Variants in ARHGAP39 observed in about 807,000 individuals in gnomAD.
The protein encoded by ARHGAP39 is Rho GTPase activating protein 39.
In ARHGAP39, 44 loss-of-function variants were observed where a neutral mutation model predicts 106.9. The ratio of observed to expected loss-of-function variants is 0.41; its 90% CI spans 0.32 to 0.53. The LOEUF is 0.53. ARHGAP39 is among the 20% of genes least tolerant of loss of function. The pLI is 0.21. For synonymous variants in ARHGAP39, 768 were observed against 693.2 expected (o/e 1.11, Z -1.69); for missense variants, 1,496 against 1,577.3 (o/e 0.95, Z 0.87).
At chr8:144,681,993 G>A (rs973629136) in intron 1 of ARHGAP39, among the ~76,000 whole-genome samples, 1 of 152,208 alleles carries the variant, frequency 6.6e-6, no homozygotes, top group African/African-American at 2.4e-5. Context: ...TCTCGGCCGG[G>A]TGCGGTGGCA....
At chr8:144,538,654 C>T (rs1364492178) in intron 6 of ARHGAP39, among the ~76,000 whole-genome samples, 1 of 152,130 alleles carries the variant, frequency 6.6e-6, no homozygotes, top group Non-Finnish European at 1.5e-5. Context: ...CCCACCGCAG[C>T]CTCCACCTCC....
intron 2 of ARHGAP39, among the ~76,000 whole-genome samples, chr8:144,594,472 A>T (rs1819521989): frequency 6.6e-6 from 1 of 152,144 alleles, no homozygotes; most frequent in Non-Finnish European, 1.5e-5. Flanking sequence ...AGGTGGGCAG[A>T]TCACCTGAGG....
rs1281681624 is a variant in ARHGAP39, at chr8:144,644,688, C to G, written c.-81-38993G>C. Among the ~76,000 whole-genome samples, 2 of 152,246 alleles carry G rather than the reference C, an allele frequency of 1.3e-5. No individual in the cohort carries two copies. Among genetic ancestry groups the G allele is most frequent in the African/African-American group, 2.4e-5 (1 of 41,458 alleles). ...TACAGGCCCTTGGGAGCAGTGCAGT[C>G]TGCAGGACTTCATCATCAACCCAGG... On this transcript the variant is annotated intron_variant, in intron 1 of 11. Transcript: ENST00000377307. The surrounding 1 kb of genome is among the most constrained non-coding windows in gnomAD (Gnocchi z 4.8).
At chr8:144,580,650 C>T (rs1317832942) in intron 3 of ARHGAP39, among the ~76,000 whole-genome samples, 196 bp downstream of exon 3, 1 of 151,168 alleles carries the variant, frequency 6.6e-6, no homozygotes, top group African/African-American at 2.4e-5. Context: ...TCACCAGTCC[C>T]GCTCTCACGT....
At chr8:144,574,471 C>G (rs548667262) in intron 3 of ARHGAP39, among the ~76,000 whole-genome samples, 1 of 152,216 alleles carries the variant, frequency 6.6e-6, no homozygotes, top group South Asian at 2.1e-4. Flanking sequence ...CAGATCGAGA[C>G]CATCCTGGCT....
chr8:144,531,008 T>A (rs1393418418), intron 10 of ARHGAP39, 137 bp from the exon 11 acceptor site: 2 of 1,193,354 alleles, frequency 1.7e-6, no homozygotes, highest in Non-Finnish European at 2.3e-6. Context: ...ACAGGGCCCA[T>A]CTGGCCAGGC....
intron 3 of ARHGAP39, among the ~76,000 whole-genome samples, chr8:144,574,526 T>C (rs1331534671): frequency 2.0e-5 from 3 of 151,746 alleles, no homozygotes; most frequent in East Asian, 3.9e-4. Flanking sequence ...AAAACAAAAT[T>C]AGCTGGGTGT....
At chr8:144,561,200 T>G (rs1213530380) in intron 3 of ARHGAP39, among the ~76,000 whole-genome samples, 1 of 149,602 alleles carries the variant, frequency 6.7e-6, no homozygotes, top group Non-Finnish European at 1.5e-5. Flanking sequence ...TCCATCGGAC[T>G]CACCCCAGTG....
intron 1 of ARHGAP39, among the ~76,000 whole-genome samples, chr8:144,648,771 T>A (rs1821505146): frequency 6.6e-6 from 1 of 152,078 alleles, no homozygotes; most frequent in South Asian, 2.1e-4. Context: ...AATAATGAAA[T>A]TACGGCAGAA....
rs1817508169 is a variant in ARHGAP39 at position 144,547,732 on chromosome 8, C to T, written c.1354G>A (p.Glu452Lys). The change falls in exon 5 of 12, where the codon GAG becomes AAG. Residue 452 changes from glutamate (E) to lysine (K), a missense_variant. Transcript: ENST00000377307. This position sits in a 1 kb window ranked among gnomAD's most constrained non-coding sequence, Gnocchi z 5.2. ...GVKSGDYSTMEGPELRHSQPP... is the reference protein window; with the variant it reads ...GVKSGDYSTMKGPELRHSQPP... ...TGGCTGTGCCGCAGCTCAGGTCCCT[C>T]CATGGTGCTGTAGTCTCCGGACTTG... 4 of 1,596,810 alleles carry T rather than the reference C, an allele frequency of 2.5e-6. No individual in the cohort carries two copies. Among genetic ancestry groups the T allele is most frequent in the Non-Finnish European group, 3.4e-6 (4 of 1,177,102 alleles).
In ARHGAP39 at chr8:144,682,718, C is replaced by T. The variant is rs538931614; in HGVS notation, c.-82+2968G>A. 5.9e-5 allele frequency among the ~76,000 whole-genome samples: 9 copies of T among 152,176 alleles called. No individual in the cohort carries two copies. The South Asian group carries it at 1.9e-3, about 32-fold the overall frequency. On this transcript the variant is annotated intron_variant, in intron 1 of 11. Coordinates refer to ENST00000377307, the MANE Select transcript of ARHGAP39 (RefSeq NM_025251.3). ...GCAAGGATAATACTGAGAAGTATAA[C>T]AACAATGGCAGGCTGGGCACAGTGA... is the stretch of plus-strand genomic sequence containing the variant.
In ARHGAP39 at chr8:144,547,103, C is replaced by G; in HGVS notation, c.1959+24G>C. Reference sequence around the variant, plus strand: ...TGGGCTGGCCCCAGGCTCTCAAGCTCAGCCGCGCCCATTGGGCCCTCACCT... The same window carrying G: ...TGGGCTGGCCCCAGGCTCTCAAGCTGAGCCGCGCCCATTGGGCCCTCACCT... On this transcript the variant is annotated intron_variant, in intron 5 of 11. Coordinates refer to ENST00000377307, the MANE Select transcript of ARHGAP39 (RefSeq NM_025251.3). The surrounding 1 kb of genome is among the most constrained non-coding windows in gnomAD (Gnocchi z 5.2). The G allele has an allele frequency of 6.5e-7, 1 of 1,546,148 alleles. No homozygotes were observed. Among genetic ancestry groups the G allele is most frequent in the Non-Finnish European group, 8.7e-7 (1 of 1,146,918 alleles).
At chr8:144,603,687 C>CTCAAAAAAAAAAAAAAA (rs1820169248) in intron 2 of ARHGAP39, among the ~76,000 whole-genome samples, 6 of 77,720 alleles carry the variant, frequency 7.7e-5, no homozygotes, top group Non-Finnish European at 1.4e-4. Flanking sequence ...GAGACTCCAT[C>CTCAAAAAAAAAAAAAAA]AAAAAAAAAA....
chr8:144,537,023 C>T (rs771201942), intron 7 of ARHGAP39, among the ~76,000 whole-genome samples: 8 of 152,168 alleles, frequency 5.3e-5, no homozygotes, highest in Non-Finnish European at 8.8e-5. Flanking sequence ...GTCGGGAGGA[C>T]GGCCCTGGAA....
Position 144,530,713 on chromosome 8 carries a change from G to A in ARHGAP39, c.3139C>T (p.Arg1047Cys), listed in dbSNP as rs149589076. 2 of 1,602,440 alleles carry A rather than the reference G, an allele frequency of 1.2e-6. No homozygotes were observed. Among genetic ancestry groups the A allele is most frequent in the African/African-American group, 1.3e-5 (1 of 74,750 alleles). The change falls in exon 11 of 12, where the codon CGC becomes TGC. Residue 1047 changes from arginine to cysteine, a missense_variant. By Grantham distance (180) the Arg-to-Cys change is radical. This residue lies in a region of ARHGAP39 where 470 missense variants were observed against 605.1 expected (regional missense o/e 0.78). Transcript: ENST00000377307. Reference protein sequence around the residue: ...INRMVLCYLIRFLQVFVQPAN... With the variant: ...INRMVLCYLICFLQVFVQPAN... The stretch of plus-strand genomic sequence containing the variant: ...GGGGAGGGAAGTACCTGCAGGAAGC[G>A]GATGAGGTAGCACAGCACCATGCGG...
Position 144,641,754 on chromosome 8 carries a change from G to A in ARHGAP39, c.-81-36059C>T, listed in dbSNP as rs1821318027. On this transcript the variant is annotated intron_variant, in intron 1 of 11. Coordinates refer to ENST00000377307, the MANE Select transcript of ARHGAP39 (RefSeq NM_025251.3). This position sits in a 1 kb window ranked among gnomAD's most constrained non-coding sequence, Gnocchi z 5.2. ...CAAGCTCCTGCCACAGTCTGAGCTG[G>A]CCCCACAGGTACCCAAGAGTGTCCT... is the stretch of plus-strand genomic sequence containing the variant. 3.3e-5 allele frequency among the ~76,000 whole-genome samples: 5 copies of A among 152,354 alleles called. No homozygotes were observed. In the South Asian group the frequency reaches 1.0e-3, roughly 32 times the overall value.
chr8:144,595,326 G>A (rs536032199), intron 2 of ARHGAP39, among the ~76,000 whole-genome samples: 26 of 152,292 alleles, frequency 1.7e-4, no homozygotes, highest in African/African-American at 5.3e-4. Context: ...CGACGTGAGC[G>A]AAGGACCACT....
chr8:144,547,729 C>T lies in ARHGAP39; in HGVS notation c.1357G>A (p.Gly453Arg), dbSNP rs377535340. ...VKSGDYSTME[G>R]PELRHSQPPT... Reference sequence around the variant, plus strand: ...GGCTGGCTGTGCCGCAGCTCAGGTCCCTCCATGGTGCTGTAGTCTCCGGAC... The same window carrying T: ...GGCTGGCTGTGCCGCAGCTCAGGTCTCTCCATGGTGCTGTAGTCTCCGGAC... The change falls in exon 5 of 12, where the codon GGA becomes AGA. Residue 453 changes from glycine to arginine, a missense_variant. Gly to Arg is a moderately radical substitution (Grantham distance 125). This residue lies in a region of ARHGAP39 where 905 missense variants were observed against 816.4 expected (regional missense o/e 1.11). Transcript: ENST00000377307. This position sits in a 1 kb window ranked among gnomAD's most constrained non-coding sequence, Gnocchi z 5.2. 6 of 1,596,016 alleles carry T rather than the reference C, an allele frequency of 3.8e-6. No homozygotes were observed. The highest frequency in any genetic ancestry group is 5.1e-6 in the Non-Finnish European group (6 of 1,176,776).
At position 144,645,843 on chromosome 8, in the gene ARHGAP39, G is replaced by A. The variant is rs369289100; in HGVS notation, c.-82+39843C>T. The stretch of plus-strand genomic sequence containing the variant: ...GCCAGGGCTGCAGGGGGAGCTGGGG[G>A]CAGCAGGGAGGACAGAGACACCTGC... On this transcript the variant is annotated intron_variant, in intron 1 of 11. Transcript: ENST00000377307. The surrounding 1 kb of genome is among the most constrained non-coding windows in gnomAD (Gnocchi z 4.4). Among the ~76,000 whole-genome samples, 13 of 152,350 alleles carry A rather than the reference G, an allele frequency of 8.5e-5. No individual in the cohort carries two copies. The East Asian group carries it at 1.2e-3, about 14-fold the overall frequency.
Sources: gnomAD v4.1 joint callset for allele counts (sites outside exome capture counted in the v4.1 genomes callset) on GRCh38, gnomAD v4.1.1 for gene constraint, gnomAD v4.1.1 regional missense constraint, Gnocchi (gnomAD v3.1) non-coding constraint, MANE v1.5 for transcripts, NCBI Gene and HGNC (gene_info 2026-07-23, HGNC 2026-07-21) for gene names.